The following TACR1 variants were observed in gnomAD, a reference collection of about 807,000 sequenced individuals.
TACR1 encodes tachykinin receptor 1.
In TACR1, 25 loss-of-function variants were observed where a neutral mutation model predicts 35.8. That is an observed-to-expected ratio of 0.70 (90% CI 0.51 to 0.98). The LOEUF is 0.98. Ranked by LOEUF, TACR1 falls within the 50% of genes least tolerant of loss-of-function variation. TACR1 has a pLI of 0.00. For synonymous variants in TACR1, 195 were observed against 206.7 expected (o/e 0.94, Z 0.48); for missense variants, 478 against 522.9 (o/e 0.91, Z 0.84).
chr2:75,115,229 A>C (rs138655197), intron 2 of TACR1, among the ~76,000 whole-genome samples: 28 of 152,160 alleles, frequency 1.8e-4, no homozygotes, highest in African/African-American at 6.0e-4. Flanking sequence ...TTAAATTATA[A>C]AAAGATGTTC....
chr2:75,172,468 G>T (rs1156947332), intron 1 of TACR1, among the ~76,000 whole-genome samples: 1 of 152,054 alleles, frequency 6.6e-6, no homozygotes, highest in Non-Finnish European at 1.5e-5. Context: ...TTCTTTTCGG[G>T]CTGTCCCCCG....
chr2:75,178,057 C>T (rs757344906), intron 1 of TACR1, among the ~76,000 whole-genome samples: 11 of 152,112 alleles, frequency 7.2e-5, no homozygotes, highest in Non-Finnish European at 1.6e-4. Context: ...CCCATATGTC[C>T]ACCTTCCCTC....
chr2:75,103,950 A>C (rs1377964258), intron 2 of TACR1, among the ~76,000 whole-genome samples: 2 of 152,104 alleles, frequency 1.3e-5, no homozygotes, highest in Non-Finnish European at 2.9e-5. Flanking sequence ...ACTATTATAG[A>C]AAATAGTCAA....
rs541847770 is a variant in TACR1, at chr2:75,180,637, T to G, written c.389+17909A>C. ...TTAGCTAGCCTGTGGAAGCATGAAT[T>G]GCATGTGGAGCAGAGCTGAGTGGCC... is the stretch of plus-strand genomic sequence containing the variant. On this transcript the variant is annotated intron_variant, in intron 1 of 4. Transcript: ENST00000305249. Among the ~76,000 whole-genome samples, 4 of 152,270 alleles carry G rather than the reference T, an allele frequency of 2.6e-5. No individual in the cohort carries two copies. In the South Asian group the frequency reaches 6.2e-4, roughly 24 times the overall value.
intron 1 of TACR1, chr2:75,186,831 C>T (rs1485367467): frequency 6.6e-6 from 1 of 152,088 alleles, no homozygotes; most frequent in Admixed American, 6.5e-5. Context: ...ATTTTTCAGT[C>T]ATTGACATTT....
At chr2:75,067,204 A>G (rs1267695851) in intron 2 of TACR1, among the ~76,000 whole-genome samples, 1 of 152,188 alleles carries the variant, frequency 6.6e-6, no homozygotes, top group Non-Finnish European at 1.5e-5. Context: ...TTTCTATTTT[A>G]TCACTTTTGC....
intron 1 of TACR1, among the ~76,000 whole-genome samples, chr2:75,171,000 A>G (rs892252822): frequency 3.3e-5 from 5 of 152,238 alleles, no homozygotes; most frequent in Non-Finnish European, 7.3e-5. Context: ...GAGAAATTCA[A>G]GCCGGCTGCA....
chr2:75,162,278 AG>A (rs1675028828), intron 1 of TACR1, among the ~76,000 whole-genome samples: 3 of 152,174 alleles, frequency 2.0e-5, no homozygotes, highest in Admixed American at 2.0e-4. Flanking sequence ...TGAAGGTCAA[AG>A]GCATCCTAAA....
chr2:75,176,966 T>A (rs1183047063), intron 1 of TACR1, among the ~76,000 whole-genome samples: 1 of 152,134 alleles, frequency 6.6e-6, no homozygotes, highest in Non-Finnish European at 1.5e-5. Flanking sequence ...CCTCAACCTC[T>A]TCTTCAAAGA....
intron 1 of TACR1, among the ~76,000 whole-genome samples, chr2:75,139,309 A>G (rs899226837): frequency 6.6e-6 from 1 of 152,210 alleles, no homozygotes; most frequent in Non-Finnish European, 1.5e-5. Flanking sequence ...CTCAGGTCAC[A>G]CTGCTAGCAA....
At chr2:75,169,203 CTG>C (rs1675217539) in intron 1 of TACR1, among the ~76,000 whole-genome samples, 1 of 152,058 alleles carries the variant, frequency 6.6e-6, no homozygotes, top group Non-Finnish European at 1.5e-5. Context: ...CATATAACAA[CTG>C]AGTGGAAATC....
intron 2 of TACR1, among the ~76,000 whole-genome samples, chr2:75,068,479 G>A (rs920780597): frequency 6.6e-6 from 1 of 152,198 alleles, no homozygotes; most frequent in Non-Finnish European, 1.5e-5. Context: ...GATGGAAAGA[G>A]CTGGGAAAAC....
At chr2:75,147,644 A>G (rs147962974) in intron 1 of TACR1, among the ~76,000 whole-genome samples, 3,584 of 152,132 alleles carry the variant, frequency 0.024, 129 homozygotes, top group African/African-American at 0.082. Context: ...CCAACTTATG[A>G]GTGAGAAAAT....
chr2:75,075,678 G>A (rs938425854), intron 2 of TACR1, among the ~76,000 whole-genome samples: 1 of 151,294 alleles, frequency 6.6e-6, no homozygotes, highest in African/African-American at 2.5e-5. Context: ...TAAAGGACAG[G>A]GATGATAAGA....
chr2:75,116,221 C>G (rs536271369), intron 2 of TACR1, among the ~76,000 whole-genome samples: 1 of 152,278 alleles, frequency 6.6e-6, no homozygotes, highest in East Asian at 1.9e-4. Context: ...CCTCCCACCT[C>G]AGCCTCCCAA....
intron 2 of TACR1, among the ~76,000 whole-genome samples, chr2:75,117,158 TG>T (rs1330039256): frequency 1.2e-4 from 19 of 152,036 alleles, no homozygotes; most frequent in Non-Finnish European, 2.4e-4. Flanking sequence ...TGTGTGTGTG[TG>T]TGTGTGTGAA....
In TACR1 at chr2:75,049,555, C is replaced by A; in HGVS notation, c.1101G>T (p.Glu367Asp). The A allele has an allele frequency of 6.2e-7, 1 of 1,614,194 alleles. No homozygotes were observed. The highest frequency in any genetic ancestry group is 8.5e-7 in the Non-Finnish European group (1 of 1,180,002). Residue 367 changes from glutamate (E) to aspartate (D), a missense_variant, in exon 5 of 5, where the codon GAG becomes GAT. Glu to Asp is a conservative substitution (Grantham distance 45, BLOSUM62 2). Coordinates refer to ENST00000305249, the MANE Select transcript of TACR1 (RefSeq NM_001058.4). ...TISTVVGAHE[E>D]EPEDGPKATP... is the part of the protein sequence containing the mutation. The stretch of plus-strand genomic sequence containing the variant: ...TGGCCTTGGGGCCGTCCTCTGGCTC[C>A]TCCTCGTGGGCCCCCACCACTGTGG...
At chr2:75,122,570 C>A (rs937243529) in intron 1 of TACR1, among the ~76,000 whole-genome samples, 1 of 152,104 alleles carries the variant, frequency 6.6e-6, no homozygotes, top group Admixed American at 6.5e-5. Flanking sequence ...ACTCTTTCTT[C>A]TGCCTCTTTT....
intron 2 of TACR1, among the ~76,000 whole-genome samples, chr2:75,086,196 C>T (rs900300619): frequency 2.6e-5 from 4 of 152,166 alleles, no homozygotes; most frequent in Non-Finnish European, 5.9e-5. Context: ...CTTCTCACAG[C>T]AGAGGAACTG....
Sources: gnomAD v4.1 joint callset for allele counts (sites outside exome capture counted in the v4.1 genomes callset) on GRCh38, gnomAD v4.1.1 for gene constraint, MANE v1.5 for transcripts, NCBI Gene and HGNC (gene_info 2026-07-23, HGNC 2026-07-21) for gene names.